Variants in DPP6 observed in about 807,000 individuals in gnomAD.
DPP6 encodes the protein dipeptidyl peptidase like 6.
Under a neutral mutation model 122.6 loss-of-function variants are expected in DPP6, and 69 were observed. The ratio of observed to expected loss-of-function variants is 0.56; its 90% CI spans 0.46 to 0.69. The LOEUF (loss-of-function observed/expected upper bound fraction) is 0.69, where lower values mean the gene tolerates loss of function less well. Ranked by LOEUF, DPP6 falls within the 30% of genes least tolerant of loss-of-function variation. DPP6 has a pLI of 0.00. For synonymous variants in DPP6, 418 were observed against 433.1 expected (o/e 0.97, Z 0.43); for missense variants, 928 against 1,116.9 (o/e 0.83, Z 2.41).
intron 17 of DPP6, among the ~76,000 whole-genome samples, chr7:154,866,959 G>A (rs1256252613): frequency 3.3e-5 from 5 of 150,310 alleles, no homozygotes; most frequent in Non-Finnish European, 7.4e-5. Flanking sequence ...AGCTGCCCCG[G>A]AGAAGCGCCC....
chr7:154,574,353 A>ATG (rs1188101762), intron 5 of DPP6, among the ~76,000 whole-genome samples: 8 of 115,192 alleles, frequency 6.9e-5, no homozygotes, highest in African/African-American at 2.1e-4. Context: ...GTATGTGTAT[A>ATG]TGTGTGTGTT....
At chr7:154,544,352 A>C (rs1438202802) in intron 4 of DPP6, among the ~76,000 whole-genome samples, 1 of 152,130 alleles carries the variant, frequency 6.6e-6, no homozygotes, top group Non-Finnish European at 1.5e-5. Context: ...TCCCCAAAGC[A>C]CAAGTGCATC....
chr7:153,896,359 T>A (rs967432542), intron 1 of DPP6, among the ~76,000 whole-genome samples: 3 of 152,242 alleles, frequency 2.0e-5, no homozygotes, highest in Non-Finnish European at 4.4e-5. Context: ...CAGCTTAATA[T>A]TCTATACCTT....
intron 7 of DPP6, among the ~76,000 whole-genome samples, chr7:154,688,891 T>A (rs945022207): frequency 1.3e-5 from 2 of 152,238 alleles, no homozygotes; most frequent in Non-Finnish European, 1.5e-5. Flanking sequence ...ACACTCAGTA[T>A]TAACCATCAC....
chr7:154,744,599 C>T (rs2131426112), intron 8 of DPP6, among the ~76,000 whole-genome samples: 1 of 152,338 alleles, frequency 6.6e-6, no homozygotes, highest in East Asian at 1.9e-4. Flanking sequence ...CTCCATTTGC[C>T]TTCTGGCTTG....
At position 154,802,131 on chromosome 7, in the gene DPP6, A is replaced by G. The variant is rs562556369; in HGVS notation, c.1407+669A>G. On this transcript the variant is annotated intron_variant, in intron 13 of 25. Coordinates refer to ENST00000377770, the MANE Select transcript of DPP6 (RefSeq NM_130797.4). ...TTGGGGGACTCTGCCCTGAGGAAGA[A>G]GGGAAGCATGATCTTGGATCTCCTC... 1.8e-4 allele frequency among the ~76,000 whole-genome samples: 27 copies of G among 152,296 alleles called. No individual in the cohort carries two copies. The East Asian group carries it at 5.2e-3, about 29-fold the overall frequency.
At chr7:154,544,056 T>C (rs973778332) in intron 4 of DPP6, among the ~76,000 whole-genome samples, 4 of 148,190 alleles carry the variant, frequency 2.7e-5, no homozygotes, top group Non-Finnish European at 4.5e-5. Flanking sequence ...ATGATGATTA[T>C]ATTATGGTTC....
Position 154,127,607 on chromosome 7 carries a change from A to T in DPP6, c.243+74544A>T, listed in dbSNP as rs1396483957. Among the ~76,000 whole-genome samples, 126 of 83,196 alleles carry T rather than the reference A, an allele frequency of 1.5e-3. 3 individuals are homozygous for T. In the South Asian group the frequency reaches 0.016, roughly 10 times the overall value. The allele number at this position is 83,196 out of a possible 152,430, so 54.6% of individuals were successfully genotyped here. Reference sequence around the variant, plus strand: ...AACAGGAGCAGCATCTCACACACACACACACACACACACACACACACACAC... The same window carrying T: ...AACAGGAGCAGCATCTCACACACACTCACACACACACACACACACACACAC... On this transcript the variant is annotated intron_variant, in intron 1 of 25. Coordinates refer to ENST00000377770, the MANE Select transcript of DPP6 (RefSeq NM_130797.4).
At chr7:154,094,676 A>C (rs1012586350) in intron 1 of DPP6, 3 of 152,136 alleles carry the variant, frequency 2.0e-5, no homozygotes, top group East Asian at 3.9e-4. Context: ...CACTGTCCCC[A>C]TATGGGTACC....
At chr7:153,920,302 C>G (rs1800569227) in intron 1 of DPP6, among the ~76,000 whole-genome samples, 1 of 152,144 alleles carries the variant, frequency 6.6e-6, no homozygotes, top group Non-Finnish European at 1.5e-5. Flanking sequence ...CCGGGTCTTC[C>G]CAGAATTGGC....
chr7:154,011,234 A>T (rs1433169565), intron 1 of DPP6, among the ~76,000 whole-genome samples: 1 of 152,134 alleles, frequency 6.6e-6, no homozygotes, highest in Non-Finnish European at 1.5e-5. Flanking sequence ...TCCTCTTGGG[A>T]TGGAGAGTAA....
At chr7:154,631,233 G>C (rs976360168) in intron 5 of DPP6, among the ~76,000 whole-genome samples, 13 of 152,180 alleles carry the variant, frequency 8.5e-5, no homozygotes, top group Non-Finnish European at 1.5e-4. Flanking sequence ...CCTTCCATTC[G>C]GGTCTGCAGC....
chr7:154,599,435 G>T (rs1237164661), intron 5 of DPP6, among the ~76,000 whole-genome samples: 1 of 151,780 alleles, frequency 6.6e-6, no homozygotes, highest in African/African-American at 2.4e-5. Context: ...AATATTTGTG[G>T]GTAAGGCAAG....
intron 25 of DPP6, among the ~76,000 whole-genome samples, chr7:154,891,449 G>A (rs1041724555): frequency 3.3e-5 from 5 of 152,054 alleles, no homozygotes; most frequent in Non-Finnish European, 7.4e-5. Flanking sequence ...GTCATGAGCT[G>A]GAGTCTGTGA....
intron 1 of DPP6, among the ~76,000 whole-genome samples, chr7:154,444,229 G>A (rs139968828): frequency 0.19 from 28,878 of 151,766 alleles, 3,846 homozygotes; most frequent in African/African-American, 0.38. Flanking sequence ...AGGCCGAGGC[G>A]GGCGGATCGC....
chr7:154,748,007 G>A (rs961546368), intron 8 of DPP6, among the ~76,000 whole-genome samples: 4 of 152,184 alleles, frequency 2.6e-5, no homozygotes, highest in Admixed American at 2.6e-4. Context: ...GCTGTCAGCT[G>A]ACAATAATGT....
chr7:154,042,685 T>G (rs1799823867), intron 1 of DPP6, among the ~76,000 whole-genome samples: 1 of 152,212 alleles, frequency 6.6e-6, no homozygotes, highest in Non-Finnish European at 1.5e-5. Flanking sequence ...CTAGTCAACT[T>G]GTGGAGCTCT....
the DPP6 span, among the ~76,000 whole-genome samples, chr7:153,837,931 C>T: frequency 6.7e-6 from 1 of 149,090 alleles, no homozygotes; most frequent in Admixed American, 6.7e-5. Flanking sequence ...GCCTTGGCCT[C>T]CCAAAGTGCC....
rs779990146 is a variant in DPP6, at chr7:154,892,319, G to A, written c.2452-15G>A. On this transcript the variant is annotated splice_polypyrimidine_tract_variant and intron_variant, in intron 25 of 25. Transcript: ENST00000377770. ...GTATACCTGGGAGAGTAATTTCTCCGTGCCTTCCTTGCAGATTTACCCGGA... is the reference window on the plus strand; with the variant it reads ...GTATACCTGGGAGAGTAATTTCTCCATGCCTTCCTTGCAGATTTACCCGGA... 5 of 1,613,970 alleles carry A rather than the reference G, an allele frequency of 3.1e-6. No homozygotes were observed. The highest frequency in any genetic ancestry group is 3.3e-5 in the Admixed American group (2 of 60,022).
Sources: gnomAD v4.1 joint callset for allele counts (sites outside exome capture counted in the v4.1 genomes callset) on GRCh38, gnomAD v4.1.1 for gene constraint, MANE v1.5 for transcripts, NCBI Gene and HGNC (gene_info 2026-07-23, HGNC 2026-07-21) for gene names.